Variants in MYH7B observed in about 807,000 individuals in gnomAD.
MYH7B encodes the protein myosin-7B.
In MYH7B, 205 loss-of-function variants were observed where a neutral mutation model predicts 234.5. That is an observed-to-expected ratio of 0.87 (90% confidence interval 0.78 to 0.98). The LOEUF (loss-of-function observed/expected upper bound fraction) is 0.98. MYH7B is among the 50% of genes least tolerant of loss of function. The pLI is 0.00. For synonymous variants in MYH7B, 1,193 were observed against 1,105.0 expected (o/e 1.08, Z -1.58); for missense variants, 2,652 against 2,633.4 (o/e 1.01, Z -0.15).
chr20:34,968,929 C>T (rs1231091025), intron 2 of MYH7B, among the ~76,000 whole-genome samples: 1 of 152,280 alleles, frequency 6.6e-6, no homozygotes, highest in African/African-American at 2.4e-5. Context: ...TTCTGGAAGC[C>T]GATATGAGCA....
Position 34,998,701 on chromosome 20 carries a change from T to C in MYH7B, c.3994-18T>C. On this transcript the variant is annotated intron_variant, in intron 34 of 44. Transcript: ENST00000262873. ...CCACTGGGCTGCACTAACGCTGAGG[T>C]CACTGGTGTCCCTGCAGGCCAAGAG... 6.2e-7 allele frequency: 1 copy of C among 1,611,488 alleles called. No homozygotes were observed. The highest frequency in any genetic ancestry group is 1.3e-5 in the African/African-American group (1 of 75,054).
rs1215746866 is a variant in MYH7B at position 34,964,410 on chromosome 20, G to A, written c.-222+6198G>A. ...CTGCCTGTTGTTGGAGGATGGCAGG[G>A]CTCTGGGCCTAGACTATGTGGCTCT... On this transcript the variant is annotated intron_variant, in intron 2 of 44. Coordinates refer to ENST00000262873, the Ensembl canonical transcript of MYH7B. Among the ~76,000 whole-genome samples the A allele has an allele frequency of 2.0e-5, 3 of 152,356 alleles. No homozygotes were observed. The East Asian group carries it at 5.8e-4, about 29-fold the overall frequency.
chr20:34,996,328 G>A lies in MYH7B; in HGVS notation c.2944-18G>A, dbSNP rs996874123. 1.3e-6 allele frequency: 2 copies of A among 1,565,396 alleles called. No homozygotes were observed. The highest frequency in any genetic ancestry group is 2.7e-5 in the African/African-American group (2 of 73,566). ...TGCGGGGAAGGGCGTCCCCATTCTG[G>A]CCCTGGCCCTGGCACAGGTGAAGAA... is the stretch of plus-strand genomic sequence containing the variant. On this transcript the variant is annotated intron_variant, in intron 28 of 44. Coordinates refer to ENST00000262873, the Ensembl canonical transcript of MYH7B.
At chr20:34,982,968 A>G (rs1600427960) in intron 10 of MYH7B, among the ~76,000 whole-genome samples, 1 of 152,346 alleles carries the variant, frequency 6.6e-6, no homozygotes, top group East Asian at 1.9e-4. Flanking sequence ...GGCACTGGGC[A>G]TTCCCAGCAG....
chr20:34,996,700 C>T lies in MYH7B; in HGVS notation c.3208C>T (p.Gln1070Ter), dbSNP rs1022757043. The T allele has an allele frequency of 3.1e-6, 5 of 1,613,612 alleles. No homozygotes were observed. Among genetic ancestry groups the T allele is most frequent in the Non-Finnish European group, 3.4e-6 (4 of 1,180,002 alleles). Residue 1070 changes from glutamine (Q) to a stop codon, truncating the protein, a stop_gained, in exon 30 of 45, where the codon CAG (glutamine) becomes TAG (stop). Coordinates refer to ENST00000262873, the Ensembl canonical transcript of MYH7B. LOFTEE classifies it high-confidence loss of function. ...GCTGGAGGGTGACCTGAAGCTGACG[C>T]AGGAGTCGGTGGCTGATGCTGCTCA...
chr20:34,979,608 A>AGGTCGGTCGGTTCC lies in MYH7B; in HGVS notation c.199-52_199-39dup. ...GGTATGTGGGTGGGGGTGACAGGTG[A>AGGTCGGTCGGTTCC]GGTCGGTCGGTTCCTCCCGGTCCCC... On this transcript the variant is annotated intron_variant, in intron 6 of 44. Coordinates refer to ENST00000262873, the Ensembl canonical transcript of MYH7B. 8 of 1,610,648 alleles carry AGGTCGGTCGGTTCC rather than the reference A, an allele frequency of 5.0e-6. No individual in the cohort carries two copies. The South Asian group carries it at 8.8e-5, about 18-fold the overall frequency.
intron 2 of MYH7B, among the ~76,000 whole-genome samples, chr20:34,960,092 G>A (rs1007430984): frequency 2.0e-5 from 3 of 152,186 alleles, no homozygotes; most frequent in African/African-American, 2.4e-5. Context: ...CTGTTCTTGG[G>A]GTTTGTGGGA....
At chr20:34,985,536 C>T (rs556647742) in intron 13 of MYH7B, among the ~76,000 whole-genome samples, 3 of 152,060 alleles carry the variant, frequency 2.0e-5, no homozygotes, top group South Asian at 4.2e-4. Flanking sequence ...CACAGCTACA[C>T]GTAGAGTGCC....
intron 24 of MYH7B, among the ~76,000 whole-genome samples, chr20:34,992,765 T>G (rs777204863): frequency 6.6e-6 from 1 of 152,128 alleles, no homozygotes; most frequent in Non-Finnish European, 1.5e-5. Flanking sequence ...AGATAGGGTT[T>G]CACCATGTTG....
At chr20:34,964,636 GGA>G (rs1473811631) in intron 2 of MYH7B, among the ~76,000 whole-genome samples, 2 of 152,138 alleles carry the variant, frequency 1.3e-5, no homozygotes, top group Non-Finnish European at 2.9e-5. Context: ...AGAATTCCTG[GGA>G]CTGGGCGCGG....
At chr20:34,980,507 C>T in intron 7 of MYH7B, 71 bp from the exon 8 acceptor site, 1 of 1,382,188 alleles carries the variant, frequency 7.2e-7, no homozygotes, top group Non-Finnish European at 1.0e-6. Flanking sequence ...CGTTGTACTC[C>T]AGCCTGGGAG....
Position 34,994,138 on chromosome 20 carries a change from C to G in MYH7B, c.2445-8C>G. 6.2e-7 allele frequency: 1 copy of G among 1,607,758 alleles called. No individual in the cohort carries two copies. The highest frequency in any genetic ancestry group is 1.3e-5 in the African/African-American group (1 of 74,976). On this transcript the variant is annotated splice_polypyrimidine_tract_variant and splice_region_variant and intron_variant, in intron 26 of 44. Coordinates refer to ENST00000262873, the Ensembl canonical transcript of MYH7B. ...AGCCACCTTCACAGCTTGGCTGCCC[C>G]TCCCTAGGGATGCGCTGTTCACCAT... is the stretch of plus-strand genomic sequence containing the variant.
At chr20:34,971,314 CCCT>C (rs2081791649) in intron 2 of MYH7B, among the ~76,000 whole-genome samples, 2 of 152,158 alleles carry the variant, frequency 1.3e-5, no homozygotes, top group Non-Finnish European at 2.9e-5. Context: ...GTGTCTAACT[CCCT>C]CCTCTTGCTG....
At chr20:34,972,993 C>T (rs1267217017) in intron 2 of MYH7B, among the ~76,000 whole-genome samples, 2 of 152,120 alleles carry the variant, frequency 1.3e-5, no homozygotes, top group African/African-American at 4.8e-5. Context: ...ACACATAAAT[C>T]TGAACACACT....
exon 23 of MYH7B, chr20:34,990,755 G>C (rs1389008634): frequency 3.1e-6 from 5 of 1,614,158 alleles, no homozygotes; most frequent in Non-Finnish European, 4.2e-6. Context: ...TCAACAAGCT[G>C]ATGACCAACC....
chr20:34,991,769 T>C (rs372103211), intron 24 of MYH7B, among the ~76,000 whole-genome samples: 15 of 152,186 alleles, frequency 9.9e-5, no homozygotes, highest in Non-Finnish European at 1.6e-4. Flanking sequence ...GAAGTCATGG[T>C]GTCATCCACA....
exon 24 of MYH7B, chr20:34,991,032 C>A: frequency 1.2e-6 from 2 of 1,613,682 alleles, no homozygotes; most frequent in Non-Finnish European, 1.7e-6. Flanking sequence ...TGGTGCTACA[C>A]CAGCTGCGCT....
chr20:34,965,458 A>G (rs528915833), intron 2 of MYH7B, among the ~76,000 whole-genome samples: 1 of 152,372 alleles, frequency 6.6e-6, no homozygotes, highest in Admixed American at 6.5e-5. Context: ...CAAAAGCAGA[A>G]GCCTCACGCC....
In MYH7B at chr20:35,001,312, G is replaced by A. The variant is rs202196308; in HGVS notation, c.5543G>A (p.Arg1848His). 3.7e-5 allele frequency: 59 copies of A among 1,611,948 alleles called. No individual in the cohort carries two copies. Among genetic ancestry groups the A allele is most frequent in the South Asian group, 3.1e-4 (28 of 90,702 alleles). ...CACGCCGAGGCCCTTAAGGGCGTGC[G>A]CAAGCATGAGCGCCGTGTCAAGGAG... The change falls in exon 42 of 45, where the codon CGC becomes CAC. Residue 1848 changes from arginine (R) to histidine (H), a missense_variant. Transcript: ENST00000262873.
Sources: allele counts gnomAD v4.1 joint callset (sites outside exome capture counted in the v4.1 genomes callset), GRCh38; gene constraint gnomAD v4.1.1; transcripts MANE v1.5; gene names NCBI Gene and HGNC (gene_info 2026-07-23, HGNC 2026-07-21).